Variants in ARID3C observed in about 807,000 individuals in gnomAD.
ARID3C encodes the protein AT-rich interactive domain-containing protein 3C.
ARID3C carries 42 observed loss-of-function variants against 37.9 expected under a neutral mutation model. That is an observed-to-expected ratio of 1.11 (90% confidence interval 0.87 to 1.43). The LOEUF (loss-of-function observed/expected upper bound fraction) is 1.43, where lower values mean the gene tolerates loss of function less well. ARID3C is among the 40% of genes most tolerant of loss of function. ARID3C has a pLI of 0.00. For synonymous variants in ARID3C, 213 were observed against 228.0 expected (o/e 0.93, Z 0.59); for missense variants, 581 against 548.8 (o/e 1.06, Z -0.59).
intron 1 of ARID3C, 97 bp from the exon 3 acceptor site, chr9:34,625,911 A>T: frequency 7.3e-7 from 1 of 1,368,450 alleles, no homozygotes; most frequent in Non-Finnish European, 1.0e-6. Flanking sequence ...TCCCTAGCTG[A>T]AGGAGTCAGT....
exon 4 of ARID3C, chr9:34,623,655 T>C: frequency 6.3e-7 from 1 of 1,593,176 alleles, no homozygotes; most frequent in Non-Finnish European, 8.5e-7. Flanking sequence ...GGCCTGGAGC[T>C]CCCCTGGGGA....
In ARID3C at chr9:34,623,589, A is replaced by T. The variant is rs752188935; in HGVS notation, c.701T>A (p.Leu234His). The stretch of plus-strand genomic sequence containing the variant: ...AGGGGGCGGCCCTGCCAAGCCGAAG[A>T]GCGGAGTAGCGGTGTAAGCCTGGCG... The change falls in exon 4 of 7, where the codon CTC (leucine) becomes CAC (histidine). Residue 234 changes from leucine to histidine, a missense_variant. Physicochemically the swap from Leu to His is moderately conservative, Grantham distance 99. Transcript: ENST00000378909. 28 of 1,608,682 alleles carry T rather than the reference A, an allele frequency of 1.7e-5. No homozygotes were observed. The African/African-American group carries it at 3.6e-4, about 21-fold the overall frequency.
exon 4 of ARID3C, chr9:34,623,456 G>A: frequency 3.3e-6 from 5 of 1,533,064 alleles, no homozygotes; most frequent in East Asian, 4.6e-5. Context: ...TCAGCTGAGC[G>A]CATGCATGCG....
In ARID3C at chr9:34,621,454, C is replaced by A. The variant is rs756756195; in HGVS notation, c.*4G>T. The A allele has an allele frequency of 1.8e-5, 27 of 1,508,130 alleles. No individual in the cohort carries two copies. In the East Asian group the frequency reaches 7.1e-4, roughly 40 times the overall value. 93.4% of individuals were successfully genotyped at this position (1,508,130 alleles called of 1,614,324 possible). ...CTGGGACTCTTAGTTTCAAGTAGGA[C>A]CTCTCAGGGCAAGATGCTGGAAGGG... On this transcript the variant is annotated 3_prime_UTR_variant, in exon 7 of 7. Transcript: ENST00000378909.
exon 5 of ARID3C, chr9:34,622,425 C>A (rs1159256703): frequency 5.0e-6 from 8 of 1,614,054 alleles, no homozygotes; most frequent in Non-Finnish European, 6.8e-6. Context: ...CCCATCAGCA[C>A]AGCTCTCTTC....
chr9:34,629,570 C>T (rs542308817), upstream of ARID3C, among the ~76,000 whole-genome samples: 1 of 152,200 alleles, frequency 6.6e-6, no homozygotes, highest in African/African-American at 2.4e-5. Context: ...TCCCCCACTG[C>T]GGGCATGCTG....
Position 34,623,811 on chromosome 9 carries a change from G to T in ARID3C, c.575+53C>A. 7 of 576,708 alleles carry T rather than the reference G, an allele frequency of 1.2e-5. No homozygotes were observed. The South Asian group carries it at 1.6e-4, about 13-fold the overall frequency. The allele number at this position is 576,708 out of a possible 1,614,324, so 35.7% of individuals were successfully genotyped here. ...CCGCCCGGGGACCCTCCCCCCTCCCGCCCCAGGCCGAACCCGTGCCCCCTT... is the reference window on the plus strand; with the variant it reads ...CCGCCCGGGGACCCTCCCCCCTCCCTCCCCAGGCCGAACCCGTGCCCCCTT... On this transcript the variant is annotated intron_variant, in intron 3 of 6. Coordinates refer to ENST00000378909, the Ensembl canonical transcript of ARID3C.
downstream of ARID3C, among the ~76,000 whole-genome samples, chr9:34,621,110 C>A (rs1205358324): frequency 6.6e-6 from 1 of 152,134 alleles, no homozygotes; most frequent in Non-Finnish European, 1.5e-5. Context: ...TTCACAGTAC[C>A]CCAACCCAAC....
chr9:34,622,418 AT>A lies in ARID3C; in HGVS notation c.976del (p.Met326TrpfsTer23), dbSNP rs759892596. On this transcript the variant is annotated frameshift_variant, in exon 5 of 7. Coordinates refer to ENST00000378909, the Ensembl canonical transcript of ARID3C. LOFTEE classifies it high-confidence loss of function. Reference sequence around the variant, plus strand: ...AGGTCGAGGTGGGTCCATAGGCCCCATCAGCACAGCTCTCTTCTCTGGGGGC... The same window carrying A: ...AGGTCGAGGTGGGTCCATAGGCCCCACAGCACAGCTCTCTTCTCTGGGGGC... The A allele has an allele frequency of 3.7e-6, 6 of 1,614,010 alleles. No individual in the cohort carries two copies. The South Asian group carries it at 6.6e-5, about 18-fold the overall frequency.
At chr9:34,631,448 C>G (rs1820722483), upstream of ARID3C, among the ~76,000 whole-genome samples, 1 of 152,234 alleles carries the variant, frequency 6.6e-6, no homozygotes, top group African/African-American at 2.4e-5. Flanking sequence ...TCTTATACCT[C>G]ACAGAGACGG....
chr9:34,627,924 G>T lies in ARID3C; in HGVS notation c.91C>A (p.Pro31Thr), dbSNP rs1820680444. The T allele has an allele frequency of 8.4e-6, 13 of 1,555,922 alleles. No individual in the cohort carries two copies. The East Asian group carries it at 3.2e-4, about 38-fold the overall frequency. ...TGTAGGGTCCGGTGGTCAGGCAGGG[G>T]AGGCTGCGGTGGCAGCAGCGGGCAT... The change falls in exon 1 of 7, where the codon CCC becomes ACC. Residue 31 changes from proline to threonine, a missense_variant. Pro to Thr is a conservative substitution (Grantham distance 38, BLOSUM62 -1). Coordinates refer to ENST00000378909, the Ensembl canonical transcript of ARID3C.
intron 2 of ARID3C, 52 bp downstream of exon 3, chr9:34,625,690 A>C: frequency 6.2e-7 from 1 of 1,608,928 alleles, no homozygotes; most frequent in East Asian, 2.2e-5. Context: ...GGTTTCCTCA[A>C]ACCTGGTAAG....
rs758112670 is a variant in ARID3C at position 34,627,653 on chromosome 9, G to C, written c.318+44C>G. ...ACCTGGCTGTGCTTTTGCCAGAAGA[G>C]AGAGATAGGGAAGAGGGCCGGACAT... On this transcript the variant is annotated intron_variant, in intron 1 of 6. Transcript: ENST00000378909. 3.3e-6 allele frequency: 5 copies of C among 1,528,002 alleles called. No individual in the cohort carries two copies. The Admixed American group carries it at 8.3e-5, about 25-fold the overall frequency. 94.7% of individuals were successfully genotyped at this position (1,528,002 alleles called of 1,614,324 possible). A position where few individuals can be genotyped will look rare whatever the true frequency, so the allele number is the denominator to read the frequency against.
At chr9:34,621,844 T>C (rs1222498848) in intron 6 of ARID3C, among the ~76,000 whole-genome samples, 176 bp downstream of exon 7, 1 of 152,076 alleles carries the variant, frequency 6.6e-6, no homozygotes, top group East Asian at 1.9e-4. Flanking sequence ...TTGGATCCCA[T>C]GCCATGTAGA....
chr9:34,626,838 T>C (rs950455776), intron 1 of ARID3C, among the ~76,000 whole-genome samples: 1 of 152,086 alleles, frequency 6.6e-6, no homozygotes, highest in African/African-American at 2.4e-5. Context: ...TTTATACTAA[T>C]GCCAGAGTAC....
rs1449005627 is a variant in ARID3C, at chr9:34,627,726, C to T, written c.289G>A (p.Glu97Lys). Residue 97 changes from glutamate to lysine, a missense_variant, in exon 1 of 7, where the codon GAG becomes AAG. Transcript: ENST00000378909. ...TTGAATTGTTCCTCGTAGGTCCACT[C>T]GTGGGGATGGAGTCCAGGGGGCTGG... is the stretch of plus-strand genomic sequence containing the variant. 12 of 1,613,312 alleles carry T rather than the reference C, an allele frequency of 7.4e-6. No individual in the cohort carries two copies. Among genetic ancestry groups the T allele is most frequent in the Admixed American group, 1.7e-5 (1 of 59,866 alleles).
At chr9:34,622,068 T>G (rs762265867) in exon 6 of ARID3C, 2 of 1,614,106 alleles carry the variant, frequency 1.2e-6, no homozygotes. Context: ...ATACTGCTGA[T>G]GCCACTGCCT....
chr9:34,627,064 T>G (rs371011369), intron 1 of ARID3C, among the ~76,000 whole-genome samples: 262 of 152,286 alleles, frequency 1.7e-3, no homozygotes, highest in African/African-American at 6.0e-3. Flanking sequence ...GGAGGAGCCC[T>G]TTAGTCATAC....
chr9:34,629,608 G>C (rs895604220), upstream of ARID3C, among the ~76,000 whole-genome samples: 3 of 152,160 alleles, frequency 2.0e-5, no homozygotes, highest in Non-Finnish European at 4.4e-5. Context: ...TGCACATGGT[G>C]GTGGACCCAC....
Sources: gnomAD v4.1 joint callset for allele counts (sites outside exome capture counted in the v4.1 genomes callset) on GRCh38, gnomAD v4.1.1 for gene constraint, MANE v1.5 for transcripts, NCBI Gene and HGNC (gene_info 2026-07-23, HGNC 2026-07-21) for gene names.